Variants in ETV6 observed in about 807,000 individuals in gnomAD.
The protein encoded by ETV6 is transcription factor ETV6.
ETV6 carries 16 observed loss-of-function variants against 51.1 expected under a neutral mutation model. The observed-to-expected ratio is 0.31, with a 90% confidence interval of 0.21 to 0.48. The LOEUF (loss-of-function observed/expected upper bound fraction) is 0.48, where lower values mean the gene tolerates loss of function less well. Ranked by LOEUF, ETV6 falls within the 20% of genes least tolerant of loss-of-function variation. The pLI is 0.99. For synonymous variants in ETV6, 240 were observed against 224.1 expected (o/e 1.07, Z -0.64); for missense variants, 458 against 594.8 (o/e 0.77, Z 2.39).
At chr12:11,746,397 C>T (rs537370855) in intron 1 of ETV6, among the ~76,000 whole-genome samples, 1 of 152,266 alleles carries the variant, frequency 6.6e-6, no homozygotes, top group African/African-American at 2.4e-5. Context: ...CGATGCCTTC[C>T]TTGCAGGGTC....
chr12:11,749,347 AC>A (rs1191095173), intron 1 of ETV6, among the ~76,000 whole-genome samples: 7 of 126,330 alleles, frequency 5.5e-5, no homozygotes, highest in Non-Finnish European at 1.7e-5. Context: ...ACACACACAC[AC>A]ACCCCTACTC....
intron 1 of ETV6, among the ~76,000 whole-genome samples, chr12:11,725,833 C>T (rs545049944): frequency 6.2e-4 from 95 of 152,310 alleles, no homozygotes; most frequent in African/African-American, 2.2e-3. Context: ...CACGCCGGCT[C>T]GCCTCACTTT....
chr12:11,769,834 T>C (rs558940951), intron 2 of ETV6, among the ~76,000 whole-genome samples: 2 of 152,282 alleles, frequency 1.3e-5, no homozygotes, highest in East Asian at 3.9e-4. Context: ...AGGTAGCTCT[T>C]ATTTGGAATA....
At chr12:11,842,493 T>A (rs1161565231) in intron 3 of ETV6, among the ~76,000 whole-genome samples, 2 of 151,034 alleles carry the variant, frequency 1.3e-5, no homozygotes, top group Non-Finnish European at 2.9e-5. Context: ...TCCCCTAGAG[T>A]GGAAAGTTCA....
Position 11,773,212 on chromosome 12 carries a change from ATG to A in ETV6, c.163+20634_163+20635del, listed in dbSNP as rs1945268774. ...CATCTCAAAAAAAAAAAAAAAAAAAATGAAATCTTGATCTTATTGCCTTGTCA... is the reference window on the plus strand; with the variant it reads ...CATCTCAAAAAAAAAAAAAAAAAAAAAAATCTTGATCTTATTGCCTTGTCA... On this transcript the variant is annotated intron_variant, in intron 2 of 7. Transcript: ENST00000396373. 4.1e-5 allele frequency among the ~76,000 whole-genome samples: 6 copies of A among 145,708 alleles called. 1 individual carries two copies. The highest frequency in any genetic ancestry group is 4.4e-4 in the South Asian group (2 of 4,524).
At chr12:11,727,195 AC>A (rs1865506702) in intron 1 of ETV6, among the ~76,000 whole-genome samples, 1 of 152,158 alleles carries the variant, frequency 6.6e-6, no homozygotes, top group Non-Finnish European at 1.5e-5. Context: ...TCTATAAACA[AC>A]CACCCTGGAT....
intron 2 of ETV6, among the ~76,000 whole-genome samples, chr12:11,809,847 T>A (rs1945887565): frequency 7.8e-6 from 1 of 127,530 alleles, no homozygotes; most frequent in Admixed American, 9.8e-5. Flanking sequence ...TTGGAGAGAG[T>A]CTTGCTGTGT....
intron 5 of ETV6, among the ~76,000 whole-genome samples, chr12:11,879,428 GTGTGAAT>G (rs1947052074): frequency 6.6e-6 from 1 of 152,208 alleles, no homozygotes; most frequent in African/African-American, 2.4e-5. Flanking sequence ...TGTTGGTTAT[GTGTGAAT>G]TGCCCATCTT....
At position 11,875,945 on chromosome 12, in the gene ETV6, G is replaced by A. The variant is rs140532834; in HGVS notation, c.1009+5976G>A. Among the ~76,000 whole-genome samples, 33 of 152,212 alleles carry A rather than the reference G, an allele frequency of 2.2e-4. No individual in the cohort carries two copies. The East Asian group carries it at 5.8e-3, about 27-fold the overall frequency. On this transcript the variant is annotated intron_variant, in intron 5 of 7. Transcript: ENST00000396373. The stretch of plus-strand genomic sequence containing the variant: ...GCAACACCTAAAACATTTATTAGTT[G>A]GCCCTTTACAGAAAACGTTTGATGC...
intron 1 of ETV6, among the ~76,000 whole-genome samples, chr12:11,700,898 G>C (rs1323672774): frequency 2.0e-5 from 3 of 152,070 alleles, no homozygotes. Flanking sequence ...CATGCTGTTC[G>C]AGGGTCCACT....
chr12:11,887,622 C>T (rs1341565287), intron 7 of ETV6, among the ~76,000 whole-genome samples: 2 of 152,010 alleles, frequency 1.3e-5, no homozygotes, highest in Non-Finnish European at 2.9e-5. Flanking sequence ...GTGGCATGCA[C>T]CTGTAGTCCC....
intron 3 of ETV6, among the ~76,000 whole-genome samples, chr12:11,843,089 T>G (rs1946413543): frequency 6.6e-6 from 1 of 152,214 alleles, no homozygotes; most frequent in African/African-American, 2.4e-5. Context: ...GTAATTTAAT[T>G]AAGGCACCCA....
intron 1 of ETV6, among the ~76,000 whole-genome samples, chr12:11,660,336 G>C (rs577059168): frequency 6.7e-4 from 102 of 151,784 alleles, no homozygotes; most frequent in Non-Finnish European, 1.3e-3. Flanking sequence ...GGGGCGTGGT[G>C]GCTCACGCCT....
chr12:11,716,781 G>A (rs1865287981), intron 1 of ETV6: 1 of 152,192 alleles, frequency 6.6e-6, no homozygotes, highest in African/African-American at 2.4e-5. Flanking sequence ...GTAGTAGGTT[G>A]AGCTTATTGT....
At chr12:11,744,809 C>T (rs2121034963) in intron 1 of ETV6, among the ~76,000 whole-genome samples, 1 of 152,172 alleles carries the variant, frequency 6.6e-6, no homozygotes, top group South Asian at 2.1e-4. Flanking sequence ...AACTGGGCCA[C>T]CTTCATAGAC....
chr12:11,694,995 C>T (rs1419373144), intron 1 of ETV6, among the ~76,000 whole-genome samples: 1 of 152,200 alleles, frequency 6.6e-6, no homozygotes, highest in Non-Finnish European at 1.5e-5. Flanking sequence ...TATAGGTCAT[C>T]TCTGTACCCT....
At chr12:11,848,443 C>T (rs1174958270) in intron 3 of ETV6, among the ~76,000 whole-genome samples, 1 of 152,230 alleles carries the variant, frequency 6.6e-6, no homozygotes, top group Non-Finnish European at 1.5e-5. Context: ...GGTCCTCAGA[C>T]ATTAGTAAGA....
intron 1 of ETV6, among the ~76,000 whole-genome samples, chr12:11,650,411 C>A (rs1411105204): frequency 1.7e-5 from 2 of 117,740 alleles, no homozygotes; most frequent in Non-Finnish European, 3.3e-5. Context: ...CAATGAAATG[C>A]CGGTCACAAT....
Position 11,892,467 on chromosome 12 carries a change from A to G in ETV6, c.*1421A>G, listed in dbSNP as rs1454191236. 4.4e-6 allele frequency: 1 copy of G among 229,578 alleles called. No homozygotes were observed. The highest frequency in any genetic ancestry group is 2.2e-5 in the African/African-American group (1 of 44,768). 14.2% of individuals were successfully genotyped at this position (229,578 alleles called of 1,614,324 possible). ...CGATGGTATCTTGTAAAATGAGGGT[A>G]GTGCCACTTCTTAGTATTTTTGAAA... On this transcript the variant is annotated 3_prime_UTR_variant, in exon 8 of 8. Coordinates refer to ENST00000396373, the MANE Select transcript of ETV6 (RefSeq NM_001987.5).
Sources: gnomAD v4.1 joint callset for allele counts (sites outside exome capture counted in the v4.1 genomes callset) on GRCh38, gnomAD v4.1.1 for gene constraint, MANE v1.5 for transcripts, NCBI Gene and HGNC (gene_info 2026-07-23, HGNC 2026-07-21) for gene names.